Variants in GON4L observed in about 807,000 individuals in gnomAD.
GON4L encodes the protein GON-4-like protein.
Under a neutral mutation model 211.8 loss-of-function variants are expected in GON4L, and 87 were observed. That is an observed-to-expected ratio of 0.41 (90% CI 0.35 to 0.49). The LOEUF is 0.49. Among genes scored for constraint, GON4L ranks in the 20% least tolerant of loss-of-function variants. GON4L has a pLI of 0.15. For missense variants in GON4L, 2,155 were observed against 2,659.5 expected (o/e 0.81, Z 4.17); for synonymous variants, 875 against 962.6 (o/e 0.91, Z 1.68).
chr1:155,816,263 C>G lies in GON4L; in HGVS notation c.1015-1G>C. The G allele has an allele frequency of 8.0e-7, 1 of 1,254,738 alleles. No homozygotes were observed. The highest frequency in any genetic ancestry group is 1.2e-6 in the Non-Finnish European group (1 of 854,696). The allele number at this position is 1,254,738 out of a possible 1,614,324, so 77.7% of individuals were successfully genotyped here. A position where few individuals can be genotyped will look rare whatever the true frequency, so the allele number is the denominator to read the frequency against. ...GTGAAATATTCCATGTTGGAATTAC[C>G]TACCAACAAAGAATATAAATAATTA... On this transcript the variant is annotated splice_acceptor_variant, in intron 6 of 31. Coordinates refer to ENST00000368331, the MANE Select transcript of GON4L (RefSeq NM_001282860.2). LOFTEE classifies it high-confidence loss of function.
rs529265679 is a variant in GON4L, at chr1:155,823,714, G to A, written c.698-1238C>T. 2.0e-5 allele frequency among the ~76,000 whole-genome samples: 3 copies of A among 152,178 alleles called. No individual in the cohort carries two copies. The South Asian group carries it at 6.2e-4, about 32-fold the overall frequency. On this transcript the variant is annotated intron_variant, in intron 3 of 31. Coordinates refer to ENST00000368331, the MANE Select transcript of GON4L (RefSeq NM_001282860.2). ...GTTCAAGACCAGCCTGGCCAACATG[G>A]TGAAACCTCGTCTCTACTGAAAATA...
chr1:155,746,941 C>T (rs534783937), downstream of GON4L: 33 of 1,601,730 alleles, frequency 2.1e-5, no homozygotes, highest in East Asian at 6.2e-4. Flanking sequence ...GGCAGGTAAA[C>T]GGGGATTTTA....
At chr1:155,750,784 G>C (rs1660487240) in intron 31 of GON4L, 51 bp from the exon 32 acceptor site, 1 of 1,528,480 alleles carries the variant, frequency 6.5e-7, no homozygotes, top group Non-Finnish European at 8.9e-7. Flanking sequence ...TTGTTTTTGA[G>C]ACGGAGTCTC....
chr1:155,794,466 A>G (rs1665894276), intron 12 of GON4L, among the ~76,000 whole-genome samples: 3 of 152,010 alleles, frequency 2.0e-5, no homozygotes, highest in African/African-American at 7.2e-5. Flanking sequence ...ATACACCACC[A>G]CCAAAGTACT....
At chr1:155,773,295 G>C in intron 17 of GON4L, 85 bp from the exon 18 acceptor site, 1 of 1,493,690 alleles carries the variant, frequency 6.7e-7, no homozygotes, top group Non-Finnish European at 9.3e-7. Context: ...TTTGCATTTA[G>C]GTAGGAGCTA....
intron 18 of GON4L, 33 bp from the exon 19 acceptor site, chr1:155,771,250 C>T: frequency 6.2e-7 from 1 of 1,612,990 alleles, no homozygotes; most frequent in Non-Finnish European, 8.5e-7. Flanking sequence ...AATCTCACTT[C>T]ACAGTCCTTC....
chr1:155,761,867 C>G (rs1661841755), intron 23 of GON4L, among the ~76,000 whole-genome samples: 1 of 152,148 alleles, frequency 6.6e-6, no homozygotes, highest in South Asian at 2.1e-4. Context: ...TCTTTCTTCT[C>G]AAGCCAAAGG....
At position 155,749,930 on chromosome 1, in the gene GON4L, G is replaced by A; in HGVS notation, c.*654C>T. On this transcript the variant is annotated 3_prime_UTR_variant, in exon 32 of 32. Transcript: ENST00000368331. ...TTTCCTCTCCCTCCACAGCAGTGGAGAGCATCCCAGTGTTTGGGGCACTGT... is the reference window on the plus strand; with the variant it reads ...TTTCCTCTCCCTCCACAGCAGTGGAAAGCATCCCAGTGTTTGGGGCACTGT... 2 of 1,400,388 alleles carry A rather than the reference G, an allele frequency of 1.4e-6. No individual in the cohort carries two copies. The highest frequency in any genetic ancestry group is 1.9e-6 in the Non-Finnish European group (2 of 1,047,516). The allele number at this position is 1,400,388 out of a possible 1,614,324, so 86.7% of individuals were successfully genotyped here. A position where few individuals can be genotyped will look rare whatever the true frequency, so the allele number is the denominator to read the frequency against.
chr1:155,807,815 G>C (rs1667299926), intron 10 of GON4L, among the ~76,000 whole-genome samples: 1 of 150,548 alleles, frequency 6.6e-6, no homozygotes, highest in Non-Finnish European at 1.5e-5. Context: ...ATGAATTTTA[G>C]GATTAGACTG....
intron 2 of GON4L, among the ~76,000 whole-genome samples, chr1:155,838,197 C>T (rs1425637195): frequency 6.6e-6 from 1 of 152,090 alleles, no homozygotes; most frequent in East Asian, 1.9e-4. Flanking sequence ...GAGGCGGAAG[C>T]TGCAGTGAGC....
At chr1:155,805,376 C>T (rs1180205157) in intron 10 of GON4L, among the ~76,000 whole-genome samples, 1 of 152,144 alleles carries the variant, frequency 6.6e-6, no homozygotes, top group Non-Finnish European at 1.5e-5. Flanking sequence ...ATACAATTCA[C>T]ATACCATAAA....
chr1:155,821,014 C>T (rs1169126664), intron 5 of GON4L, among the ~76,000 whole-genome samples: 2 of 152,054 alleles, frequency 1.3e-5, no homozygotes, highest in African/African-American at 4.8e-5. Context: ...CGCCTGTAAT[C>T]CCAGCACTTT....
rs555010814 is a variant in GON4L at position 155,797,677 on chromosome 1, CT to C, written c.1646-2527del. Among the ~76,000 whole-genome samples the C allele has an allele frequency of 9.1e-3, 1,318 of 144,866 alleles. 14 individuals are homozygous for C. The highest frequency in any genetic ancestry group is 0.03 in the African/African-American group (1,171 of 38,718). Reference sequence around the variant, plus strand: ...TGGCCAACATGGTGAGACCCCCCCCCTCCCGTCTCTACCAAAAATACAAAAA... The same window carrying C: ...TGGCCAACATGGTGAGACCCCCCCCCCCCGTCTCTACCAAAAATACAAAAA... On this transcript the variant is annotated intron_variant, in intron 11 of 31. Coordinates refer to ENST00000368331, the MANE Select transcript of GON4L (RefSeq NM_001282860.2).
rs1193608445 is a variant in GON4L, at chr1:155,750,736, A to C, written c.6577-3T>G. On this transcript the variant is annotated splice_polypyrimidine_tract_variant and splice_region_variant and intron_variant, in intron 31 of 31. Coordinates refer to ENST00000368331, the MANE Select transcript of GON4L (RefSeq NM_001282860.2). ...AGTTCTCGAAAACGGTGGGAAACCT[A>C]AGAAAGGAGGAGGGCTGTATTCACT... is the stretch of plus-strand genomic sequence containing the variant. 6.3e-7 allele frequency: 1 copy of C among 1,575,656 alleles called. No homozygotes were observed. Among genetic ancestry groups the C allele is most frequent in the South Asian group, 1.2e-5 (1 of 86,124 alleles).
At position 155,813,615 on chromosome 1, in the gene GON4L, G is replaced by C. The variant is rs755564901; in HGVS notation, c.1452+19C>G. The C allele has an allele frequency of 2.5e-6, 4 of 1,583,954 alleles. No individual in the cohort carries two copies. The highest frequency in any genetic ancestry group is 1.3e-5 in the African/African-American group (1 of 74,334). On this transcript the variant is annotated intron_variant, in intron 10 of 31. Transcript: ENST00000368331. ...TACTCCACTTGACTTTCTCAGTTAA[G>C]TACAGTTTTAATATTTACCTGGAAA... is the stretch of plus-strand genomic sequence containing the variant.
chr1:155,782,437 G>C (rs1664510285), intron 14 of GON4L, among the ~76,000 whole-genome samples: 2 of 152,132 alleles, frequency 1.3e-5, no homozygotes, highest in East Asian at 3.8e-4. Flanking sequence ...ATGCTATACA[G>C]GTTTGTGGCC....
At position 155,845,584 on chromosome 1, in the gene GON4L, C is replaced by T. The variant is rs527681207; in HGVS notation, c.505+7692G>A. 1.5e-4 allele frequency: 43 copies of T among 294,840 alleles called. 1 individual carries two copies. Among genetic ancestry groups the T allele is most frequent in the African/African-American group, 9.3e-4 (42 of 45,326 alleles). 18.3% of individuals were successfully genotyped at this position (294,840 alleles called of 1,614,324 possible). A position where few individuals can be genotyped will look rare whatever the true frequency, so the allele number is the denominator to read the frequency against. ...ACAAAGATAATTGTTTTTTAGCCCA[C>T]GATTATTTGAAAAACACATACAGAA... is the stretch of plus-strand genomic sequence containing the variant. On this transcript the variant is annotated intron_variant, in intron 2 of 31. Transcript: ENST00000368331.
intron 2 of GON4L, among the ~76,000 whole-genome samples, chr1:155,846,911 T>C (rs980661523): frequency 3.9e-5 from 6 of 152,088 alleles, no homozygotes; most frequent in Admixed American, 2.6e-4. Flanking sequence ...CTCAGGAGGC[T>C]GAGGCAGAAG....
At chr1:155,827,699 C>CAA (rs35834212) in intron 2 of GON4L, among the ~76,000 whole-genome samples, 2 of 146,336 alleles carry the variant, frequency 1.4e-5, no homozygotes, top group African/African-American at 5.4e-5. Flanking sequence ...CACACACACA[C>CAA]AAAAAAAAAA....
Sources: allele counts gnomAD v4.1 joint callset (sites outside exome capture counted in the v4.1 genomes callset), GRCh38; gene constraint gnomAD v4.1.1; transcripts MANE v1.5; gene names NCBI Gene and HGNC (gene_info 2026-07-23, HGNC 2026-07-21).